Variants in OSBPL9 observed in about 807,000 individuals in gnomAD.
OSBPL9 encodes oxysterol-binding protein-related protein 9.
In OSBPL9, 40 loss-of-function variants were observed where a neutral mutation model predicts 106.6. That is an observed-to-expected ratio of 0.38 (90% CI 0.29 to 0.49). The LOEUF is 0.49. Among genes scored for constraint, OSBPL9 ranks in the 20% least tolerant of loss-of-function variants. The pLI, the probability that OSBPL9 is intolerant of heterozygous loss-of-function variation, is 0.97. For synonymous variants in OSBPL9, 269 were observed against 295.4 expected (o/e 0.91, Z 0.92); for missense variants, 609 against 887.2 (o/e 0.69, Z 3.98).
At chr1:51,704,291 T>A (rs1335262927) in intron 3 of OSBPL9, among the ~76,000 whole-genome samples, 1 of 152,210 alleles carries the variant, frequency 6.6e-6, no homozygotes, top group African/African-American at 2.4e-5. Flanking sequence ...TGGTAAGCTA[T>A]TAATTATTGC....
chr1:51,580,408 A>G (rs1375866203), intron 1 of OSBPL9, among the ~76,000 whole-genome samples: 2 of 152,240 alleles, frequency 1.3e-5, no homozygotes, highest in Non-Finnish European at 2.9e-5. Flanking sequence ...ATTAATTAAG[A>G]CAATAATGTA....
intron 12 of OSBPL9, among the ~76,000 whole-genome samples, 192 bp from the exon 13 acceptor site, chr1:51,771,878 C>G (rs1245758001): frequency 1.3e-5 from 2 of 152,196 alleles, no homozygotes; most frequent in Non-Finnish European, 2.9e-5. Flanking sequence ...TTGATGACTT[C>G]TAGGTCTTGA....
At chr1:51,687,015 T>C (rs947443878) in intron 3 of OSBPL9, among the ~76,000 whole-genome samples, 1 of 152,232 alleles carries the variant, frequency 6.6e-6, no homozygotes, top group Non-Finnish European at 1.5e-5. Flanking sequence ...GAGAAATGCA[T>C]ATAAATACTC....
intron 1 of OSBPL9, among the ~76,000 whole-genome samples, chr1:51,589,534 G>A (rs947938080): frequency 6.6e-6 from 1 of 151,970 alleles, no homozygotes; most frequent in Non-Finnish European, 1.5e-5. Context: ...ATATTTGATA[G>A]GGCAAACAAG....
At chr1:51,617,573 C>G (rs75361237) in intron 1 of OSBPL9, among the ~76,000 whole-genome samples, 1,937 of 152,182 alleles carry the variant, frequency 0.013, 40 homozygotes, top group African/African-American at 0.042. Context: ...TTCATGCTGT[C>G]TTCATATGTT....
intron 6 of OSBPL9, among the ~76,000 whole-genome samples, chr1:51,748,164 A>C (rs1000353231): frequency 6.6e-6 from 1 of 152,214 alleles, no homozygotes; most frequent in Non-Finnish European, 1.5e-5. Flanking sequence ...AGAACATATA[A>C]TTCATAAAAG....
intron 2 of OSBPL9, among the ~76,000 whole-genome samples, chr1:51,602,470 T>A (rs1645329702): frequency 1.4e-5 from 2 of 147,812 alleles, no homozygotes; most frequent in South Asian, 4.3e-4. Flanking sequence ...TTGCCCAGGC[T>A]GGAGTGCTGT....
rs184825356 is a variant in OSBPL9, at chr1:51,752,430, G to C, written c.543+2235G>C. Reference sequence around the variant, plus strand: ...ACCTCCCACTGGTTTCTTTTTCTTCGTGGCCTCGTATCACTAGTCAAGTTT... The same window carrying C: ...ACCTCCCACTGGTTTCTTTTTCTTCCTGGCCTCGTATCACTAGTCAAGTTT... On this transcript the variant is annotated intron_variant, in intron 8 of 23. Coordinates refer to ENST00000428468, the MANE Select transcript of OSBPL9 (RefSeq NM_024586.6). 1.2e-3 allele frequency: 488 copies of C among 413,302 alleles called. 8 individuals are homozygous for C. Among genetic ancestry groups the C allele is most frequent in the South Asian group, 7.3e-3 (424 of 57,964 alleles). 25.6% of individuals were successfully genotyped at this position (413,302 alleles called of 1,614,324 possible).
intron 4 of OSBPL9, among the ~76,000 whole-genome samples, chr1:51,725,283 C>G (rs750538557): frequency 2.0e-5 from 3 of 151,846 alleles, no homozygotes; most frequent in Non-Finnish European, 2.9e-5. Context: ...CTTTTTTATT[C>G]TTTCTTAAAA....
intron 3 of OSBPL9, among the ~76,000 whole-genome samples, chr1:51,711,423 C>T (rs1161642070): frequency 6.9e-6 from 1 of 145,362 alleles, no homozygotes; most frequent in African/African-American, 2.6e-5. Flanking sequence ...GGTAGAGGCG[C>T]CCCTCACCTC....
the OSBPL9 span, among the ~76,000 whole-genome samples, chr1:51,528,734 A>G: frequency 6.6e-5 from 10 of 152,028 alleles, 1 homozygote; most frequent in African/African-American, 1.9e-4. Flanking sequence ...TTCGCCAGGC[A>G]TGGTGGAGTA....
chr1:51,645,112 A>G (rs1646068724), intron 1 of OSBPL9, among the ~76,000 whole-genome samples: 1 of 152,190 alleles, frequency 6.6e-6, no homozygotes, highest in African/African-American at 2.4e-5. Flanking sequence ...CTCTCACCAG[A>G]TGCTGGTGCT....
chr1:51,677,462 A>G (rs1474912151), intron 3 of OSBPL9, among the ~76,000 whole-genome samples: 1 of 152,258 alleles, frequency 6.6e-6, no homozygotes, highest in Admixed American at 6.5e-5. Context: ...GAAAAATCAA[A>G]TAAAATTTTA....
intron 17 of OSBPL9, among the ~76,000 whole-genome samples, chr1:51,783,690 T>A (rs1208848013): frequency 6.6e-6 from 1 of 152,176 alleles, no homozygotes; most frequent in Non-Finnish European, 1.5e-5. Context: ...GCTTCCTGGG[T>A]TGGCCACAGC....
intron 4 of OSBPL9, among the ~76,000 whole-genome samples, chr1:51,734,804 G>A (rs1162305102): frequency 6.6e-6 from 1 of 152,120 alleles, no homozygotes; most frequent in Non-Finnish European, 1.5e-5. Flanking sequence ...TGCTGCCCTG[G>A]TAGTCTCCAC....
chr1:51,756,462 A>G (rs1670363282), intron 9 of OSBPL9, 104 bp downstream of exon 9: 1 of 1,068,954 alleles, frequency 9.4e-7, no homozygotes. Flanking sequence ...AATGCCAACT[A>G]CTCACTGCTT....
chr1:51,633,341 G>T (rs916759012), intron 1 of OSBPL9, among the ~76,000 whole-genome samples: 1 of 151,414 alleles, frequency 6.6e-6, no homozygotes. Context: ...AGGCCAAGAC[G>T]GGAGGATTGC....
chr1:51,776,722 T>G, intron 14 of OSBPL9, 111 bp from the exon 15 acceptor site: 1 of 710,796 alleles, frequency 1.4e-6, no homozygotes, highest in Non-Finnish European at 2.4e-6. Context: ...TGGTGGATGT[T>G]ACCATGATTT....
chr1:51,645,071 C>T (rs1272606697), intron 1 of OSBPL9, among the ~76,000 whole-genome samples: 1 of 152,186 alleles, frequency 6.6e-6, no homozygotes, highest in African/African-American at 2.4e-5. Context: ...TACTCTTTGC[C>T]TTTCCACCCT....
Sources: allele counts gnomAD v4.1 joint callset (sites outside exome capture counted in the v4.1 genomes callset), GRCh38; gene constraint gnomAD v4.1.1; transcripts MANE v1.5; gene names NCBI Gene and HGNC (gene_info 2026-07-23, HGNC 2026-07-21).